SBF2: variants seen among roughly 807,000 people sequenced by gnomAD.
SBF2 encodes SET binding factor 2, also known as myotubularin-related protein 13.
A neutral mutation model predicts 225.2 loss-of-function variants in SBF2; 112 were observed. The observed-to-expected ratio is 0.50, with a 90% CI of 0.43 to 0.58. The LOEUF (loss-of-function observed/expected upper bound fraction) is 0.58, where lower values mean the gene tolerates loss of function less well. SBF2 is among the 20% of genes least tolerant of loss of function. SBF2 has a pLI of 0.00. For synonymous variants in SBF2, 763 were observed against 773.3 expected (o/e 0.99, Z 0.22); for missense variants, 1,996 against 2,206.2 (o/e 0.90, Z 1.91).
chr11:9,874,682 G>A (rs1859068816), intron 17 of SBF2, among the ~76,000 whole-genome samples: 1 of 152,210 alleles, frequency 6.6e-6, no homozygotes, highest in Non-Finnish European at 1.5e-5. Flanking sequence ...CAGCCAGTGT[G>A]ATTCACTGAG....
chr11:10,026,321 G>A (rs1225354627), intron 6 of SBF2, among the ~76,000 whole-genome samples: 2 of 152,120 alleles, frequency 1.3e-5, no homozygotes, highest in Non-Finnish European at 2.9e-5. Flanking sequence ...CCCTTTAGAG[G>A]TATACAACCT....
chr11:10,025,431 C>T (rs1949016262), intron 6 of SBF2, among the ~76,000 whole-genome samples: 1 of 152,068 alleles, frequency 6.6e-6, no homozygotes, highest in Non-Finnish European at 1.5e-5. Context: ...TTTCCCTCTT[C>T]CCCATAAGAT....
intron 16 of SBF2, among the ~76,000 whole-genome samples, chr11:9,942,452 G>A (rs1159038953): frequency 6.6e-6 from 1 of 152,124 alleles, no homozygotes; most frequent in East Asian, 1.9e-4. Context: ...ATTAATCTAT[G>A]GATTCAATGT....
At chr11:10,193,378 G>A in intron 2 of SBF2, among the ~76,000 whole-genome samples, 2 of 142,610 alleles carry the variant, frequency 1.4e-5, no homozygotes, top group Non-Finnish European at 3.0e-5. Flanking sequence ...TTTTTGAGAG[G>A]GAGTCTTGCT....
At chr11:9,957,758 C>T (rs904695845) in intron 16 of SBF2, 1 of 152,106 alleles carries the variant, frequency 6.6e-6, no homozygotes, top group Non-Finnish European at 1.5e-5. Flanking sequence ...TGCACCCGAC[C>T]CTTGTTTTTA....
chr11:9,804,424 A>G (rs1444353836), intron 32 of SBF2, among the ~76,000 whole-genome samples: 2 of 152,116 alleles, frequency 1.3e-5, no homozygotes, highest in East Asian at 3.9e-4. Flanking sequence ...ATTAAAGATT[A>G]TTATTTTTTC....
Position 9,998,302 on chromosome 11 carries a change from T to A in SBF2, c.939A>T (p.Glu313Asp), listed in dbSNP as rs762421132. ...CTGATTGAGTCTGATGTAGAAGTGG[T>A]TCTGGGAGGGAAGAGAGGTGAATAC... ...PECIHLSSLP[E>D]PLLHQTQSAL... Residue 313 changes from glutamate (E) to aspartate (D), a missense_variant, in exon 9 of 40, where the codon GAA (glutamate) becomes GAT (aspartate). Coordinates refer to ENST00000256190, the MANE Select transcript of SBF2 (RefSeq NM_030962.4). The A allele has an allele frequency of 1.2e-6, 2 of 1,607,244 alleles. No homozygotes were observed. Among genetic ancestry groups the A allele is most frequent in the Non-Finnish European group, 1.7e-6 (2 of 1,174,036 alleles).
rs549449438 is a variant in SBF2, at chr11:9,780,116, C to T, written c.*302G>A. 3.8e-5 allele frequency: 15 copies of T among 399,288 alleles called. No homozygotes were observed. The highest frequency in any genetic ancestry group is 3.4e-4 in the South Asian group (14 of 41,152). 24.7% of individuals were successfully genotyped at this position (399,288 alleles called of 1,614,324 possible). Reference sequence around the variant, plus strand: ...GAAGAAGGACCCAAGTAGGTGGTAGCCATTTTGCCTGGGTGAGGTTCACAG... The same window carrying T: ...GAAGAAGGACCCAAGTAGGTGGTAGTCATTTTGCCTGGGTGAGGTTCACAG... On this transcript the variant is annotated 3_prime_UTR_variant, in exon 40 of 40. Coordinates refer to ENST00000256190, the MANE Select transcript of SBF2 (RefSeq NM_030962.4).
intron 2 of SBF2, among the ~76,000 whole-genome samples, chr11:10,051,888 T>A (rs1195733178): frequency 6.6e-6 from 1 of 152,166 alleles, no homozygotes; most frequent in Non-Finnish European, 1.5e-5. Flanking sequence ...GAAGTACTCC[T>A]CATAGAATTT....
chr11:9,909,114 G>A (rs570169759), intron 16 of SBF2, among the ~76,000 whole-genome samples: 42 of 152,162 alleles, frequency 2.8e-4, no homozygotes, highest in African/African-American at 9.4e-4. Flanking sequence ...ACAAAAGAAA[G>A]ATTACTCTAA....
chr11:10,210,340 G>A (rs763494955), intron 1 of SBF2, among the ~76,000 whole-genome samples: 1 of 151,696 alleles, frequency 6.6e-6, no homozygotes, highest in Non-Finnish European at 1.5e-5. Flanking sequence ...AAAGAAAGAA[G>A]AAGAGAAGAG....
chr11:10,258,511 T>C (rs17295800), intron 1 of SBF2, among the ~76,000 whole-genome samples: 8,256 of 152,318 alleles, frequency 0.054, 299 homozygotes, highest in Middle Eastern at 0.14. Flanking sequence ...TTTTGTGGAA[T>C]GCACCTTAGA....
At chr11:10,037,559 C>A (rs1949488730) in intron 3 of SBF2, among the ~76,000 whole-genome samples, 1 of 151,542 alleles carries the variant, frequency 6.6e-6, no homozygotes, top group African/African-American at 2.4e-5. Context: ...ATAATATTGA[C>A]AAAACAGGAA....
chr11:10,270,356 T>G (rs1051960605), intron 1 of SBF2, among the ~76,000 whole-genome samples: 2 of 152,218 alleles, frequency 1.3e-5, no homozygotes, highest in African/African-American at 4.8e-5. Flanking sequence ...ATATGTATTA[T>G]ATAATGTATT....
chr11:10,090,712 C>A (rs1200791129), intron 2 of SBF2, among the ~76,000 whole-genome samples: 4 of 139,444 alleles, frequency 2.9e-5, no homozygotes, highest in Admixed American at 1.6e-4. Context: ...CTGCAGTGAG[C>A]CGAGATTGTG....
rs747527791 is a variant in SBF2 at position 9,780,491 on chromosome 11, T to C, written c.5477A>G (p.Asn1826Ser). ...FDLKTSKRVY[N>S]FCAQDGQSAQ... ...ACTCTGTCCATCCTGGGCGCAGAAGTTATACACACGTTTGCTGGTCTTGAG... is the reference window on the plus strand; with the variant it reads ...ACTCTGTCCATCCTGGGCGCAGAAGCTATACACACGTTTGCTGGTCTTGAG... The change falls in exon 40 of 40, where the codon AAC becomes AGC. Residue 1826 changes from asparagine to serine, a missense_variant. Coordinates refer to ENST00000256190, the MANE Select transcript of SBF2 (RefSeq NM_030962.4). 6.2e-7 allele frequency: 1 copy of C among 1,614,142 alleles called. No individual in the cohort carries two copies. Among genetic ancestry groups the C allele is most frequent in the South Asian group, 1.1e-5 (1 of 91,076 alleles).
intron 17 of SBF2, among the ~76,000 whole-genome samples, chr11:9,887,904 T>G (rs1036358708): frequency 2.0e-5 from 3 of 152,132 alleles, no homozygotes; most frequent in African/African-American, 7.2e-5. Context: ...AACAAAATCC[T>G]TTTCCTATTT....
At chr11:9,961,825 TAGAG>T in intron 16 of SBF2, 128 bp downstream of exon 16, 1 of 682,116 alleles carries the variant, frequency 1.5e-6, no homozygotes, top group Non-Finnish European at 2.4e-6. Flanking sequence ...ACAGAAATGA[TAGAG>T]ATACTGACGC....
At chr11:10,121,982 T>A (rs1172985456) in intron 2 of SBF2, among the ~76,000 whole-genome samples, 1 of 152,214 alleles carries the variant, frequency 6.6e-6, no homozygotes, top group Non-Finnish European at 1.5e-5. Flanking sequence ...TGTGTTCAAG[T>A]AACCCTTATT....
Sources: allele counts gnomAD v4.1 joint callset (sites outside exome capture counted in the v4.1 genomes callset), GRCh38; gene constraint gnomAD v4.1.1; transcripts MANE v1.5; gene names NCBI Gene and HGNC (gene_info 2026-07-23, HGNC 2026-07-21).